KDM4C: variants seen among roughly 807,000 people sequenced by gnomAD.
The protein encoded by KDM4C is lysine demethylase 4C, also known as lysine-specific demethylase 4C.
KDM4C carries 81 observed loss-of-function variants against 129.3 expected under a neutral mutation model. The observed-to-expected ratio is 0.63, with a 90% CI of 0.52 to 0.75. The LOEUF (loss-of-function observed/expected upper bound fraction) is 0.75, where lower values mean the gene tolerates loss of function less well. Ranked by LOEUF, KDM4C falls within the 30% of genes least tolerant of loss-of-function variation. The pLI, the probability that KDM4C is intolerant of heterozygous loss-of-function variation, is 0.00. For synonymous variants in KDM4C, 573 were observed against 456.1 expected (o/e 1.26, Z -3.26); for missense variants, 1,457 against 1,304.0 (o/e 1.12, Z -1.81).
intron 1 of KDM4C, among the ~76,000 whole-genome samples, chr9:6,731,425 C>G (rs539325474): frequency 6.8e-6 from 1 of 147,490 alleles, no homozygotes; most frequent in South Asian, 2.1e-4. Context: ...CTCCCAGGTT[C>G]AAGCAATTCT....
At chr9:6,755,196 C>T (rs1411881667), upstream of KDM4C, among the ~76,000 whole-genome samples, 2 of 152,134 alleles carry the variant, frequency 1.3e-5, no homozygotes, top group Non-Finnish European at 2.9e-5. Flanking sequence ...ACGGTGAAAC[C>T]CCGTCTCCAC....
chr9:6,757,980 G>A lies in KDM4C; in HGVS notation c.-241G>A. ...GCGCGCCCTCGCGCAGGGAGAGCCG[G>A]CGGTGCGCGCGCCTTCGCCGCTGCC... is the stretch of plus-strand genomic sequence containing the variant. On this transcript the variant is annotated 5_prime_UTR_variant, in exon 1 of 22. Transcript: ENST00000381309. The A allele has an allele frequency of 3.0e-6, 3 of 985,376 alleles. No homozygotes were observed. The highest frequency in any genetic ancestry group is 3.6e-6 in the Non-Finnish European group (3 of 829,894). 61.0% of individuals were successfully genotyped at this position (985,376 alleles called of 1,614,324 possible).
At chr9:7,106,280 T>G (rs1397418382) in intron 18 of KDM4C, among the ~76,000 whole-genome samples, 1 of 152,246 alleles carries the variant, frequency 6.6e-6, no homozygotes, top group Non-Finnish European at 1.5e-5. Context: ...AATCAAATAT[T>G]TCTCTTTGTG....
chr9:6,881,874 A>C (rs1242989481), intron 6 of KDM4C, among the ~76,000 whole-genome samples: 3 of 152,234 alleles, frequency 2.0e-5, no homozygotes, highest in African/African-American at 7.2e-5. Flanking sequence ...AAAATGATAA[A>C]ATAATGCAGT....
intron 15 of KDM4C, among the ~76,000 whole-genome samples, chr9:7,033,481 A>G (rs769647537): frequency 6.6e-6 from 1 of 152,196 alleles, no homozygotes; most frequent in Non-Finnish European, 1.5e-5. Context: ...TGCAAAGGCC[A>G]TGGTGGTAAT....
intron 17 of KDM4C, among the ~76,000 whole-genome samples, chr9:7,098,556 A>G (rs189727052): frequency 4.1e-4 from 63 of 152,328 alleles, no homozygotes; most frequent in Non-Finnish European, 5.1e-4. Flanking sequence ...CGTATCACTC[A>G]TATGTGGGTG....
chr9:7,029,653 A>G (rs1180283024), intron 15 of KDM4C, among the ~76,000 whole-genome samples: 2 of 152,178 alleles, frequency 1.3e-5, no homozygotes, highest in African/African-American at 2.4e-5. Context: ...AATTTGGGGG[A>G]CAGTATAGCA....
rs182046296 is a variant in KDM4C, at chr9:6,923,841, G to C, written c.921+30609G>C. Reference sequence around the variant, plus strand: ...TCTCTTTTTGGGGGCAGAGAACCAAGGGGGACCACTGTGTCTTCAGCACAT... The same window carrying C: ...TCTCTTTTTGGGGGCAGAGAACCAACGGGGACCACTGTGTCTTCAGCACAT... On this transcript the variant is annotated intron_variant, in intron 8 of 21. Transcript: ENST00000381309. Among the ~76,000 whole-genome samples, 38 of 152,250 alleles carry C rather than the reference G, an allele frequency of 2.5e-4. No individual in the cohort carries two copies. The East Asian group carries it at 6.0e-3, about 24-fold the overall frequency.
chr9:6,859,474 A>C (rs1329410762), intron 5 of KDM4C, among the ~76,000 whole-genome samples: 1 of 54,132 alleles, frequency 1.8e-5, no homozygotes, highest in Non-Finnish European at 3.7e-5. Context: ...ACTCTGTCTC[A>C]AAAAAAAAAA....
In KDM4C at chr9:6,971,614, A is replaced by T. The variant is rs907787068; in HGVS notation, c.922-9311A>T. On this transcript the variant is annotated intron_variant, in intron 8 of 21. Coordinates refer to ENST00000381309, the MANE Select transcript of KDM4C (RefSeq NM_015061.6). ...AATTAACCAATTTCTTAACAAGTGT[A>T]TGCATAGTTAGAAATCTGTATTGTA... 9.9e-5 allele frequency among the ~76,000 whole-genome samples: 15 copies of T among 152,202 alleles called. 1 individual carries two copies. Among genetic ancestry groups the T allele is most frequent in the Admixed American group, 8.5e-4 (13 of 15,286 alleles).
chr9:6,906,374 C>G (rs890292823), intron 8 of KDM4C, among the ~76,000 whole-genome samples: 1 of 152,150 alleles, frequency 6.6e-6, no homozygotes, highest in Non-Finnish European at 1.5e-5. Flanking sequence ...TTCTCAGCAT[C>G]GTGGTATACC....
intron 1 of KDM4C, 29 bp from the exon 2 acceptor site, chr9:6,792,943 T>G: frequency 6.2e-7 from 1 of 1,610,418 alleles, no homozygotes; most frequent in Non-Finnish European, 8.5e-7. Flanking sequence ...AATAATTCAG[T>G]TCTGTTGACC....
At chr9:6,776,598 CTTTT>C (rs34450311) in intron 1 of KDM4C, among the ~76,000 whole-genome samples, 6 of 106,190 alleles carry the variant, frequency 5.7e-5, no homozygotes, top group East Asian at 2.5e-4. Flanking sequence ...CTCAAACCCA[CTTTT>C]TTTTTTTTTT....
intron 15 of KDM4C, among the ~76,000 whole-genome samples, chr9:7,040,496 C>G (rs1237801455): frequency 1.3e-5 from 2 of 151,746 alleles, no homozygotes; most frequent in Non-Finnish European, 2.9e-5. Flanking sequence ...TCATTCCTTC[C>G]TGCTGATCCT....
At chr9:6,725,053 T>A (rs1817076438) in intron 1 of KDM4C, among the ~76,000 whole-genome samples, 1 of 152,148 alleles carries the variant, frequency 6.6e-6, no homozygotes. Context: ...CATGACACCT[T>A]CCTCACATTG....
chr9:6,989,962 G>T lies in KDM4C; in HGVS notation c.1678-454G>T, dbSNP rs578119796. ...GCTATTTTTTTTTTTTTAAATTATTGACACAGAGTCTCCCTATGTTGCCCA... is the reference window on the plus strand; with the variant it reads ...GCTATTTTTTTTTTTTTAAATTATTTACACAGAGTCTCCCTATGTTGCCCA... On this transcript the variant is annotated intron_variant, in intron 11 of 21. Transcript: ENST00000381309. Among the ~76,000 whole-genome samples the T allele has an allele frequency of 1.8e-3, 270 of 148,538 alleles. 1 individual carries two copies. The highest frequency in any genetic ancestry group is 3.5e-3 in the Middle Eastern group (1 of 288).
intron 5 of KDM4C, among the ~76,000 whole-genome samples, chr9:6,857,112 GC>G (rs943234190): frequency 6.6e-6 from 1 of 151,988 alleles, no homozygotes; most frequent in East Asian, 1.9e-4. Flanking sequence ...TCCTGCCTTG[GC>G]CCCCCGAAGT....
chr9:6,738,948 C>T (rs888784803), intron 1 of KDM4C, among the ~76,000 whole-genome samples: 2 of 151,880 alleles, frequency 1.3e-5, no homozygotes, highest in African/African-American at 2.4e-5. Flanking sequence ...TGGCTGGTCT[C>T]GAAATCCTGG....
At chr9:6,849,419 T>C (rs1008068369) in intron 4 of KDM4C, 88 bp from the exon 5 acceptor site, 1 of 1,087,566 alleles carries the variant, frequency 9.2e-7, no homozygotes, top group Admixed American at 2.7e-5. Context: ...TGTAATAATT[T>C]TGGTGGATAG....
Sources: allele counts gnomAD v4.1 joint callset (sites outside exome capture counted in the v4.1 genomes callset), GRCh38; gene constraint gnomAD v4.1.1; transcripts MANE v1.5; gene names NCBI Gene and HGNC (gene_info 2026-07-23, HGNC 2026-07-21).